The following NEGR1 variants were observed in gnomAD, a reference collection of about 807,000 sequenced individuals.
NEGR1 encodes the protein IgLON family member 4.
In NEGR1, 10 loss-of-function variants were observed where a neutral mutation model predicts 40.9. That is an observed-to-expected ratio of 0.24 (90% CI 0.15 to 0.42). The LOEUF is 0.42. NEGR1 is among the 10% of genes least tolerant of loss of function. The probability of loss-of-function intolerance (pLI) is 1.00; values close to 1 mark genes in which losing one functional copy is unlikely to be tolerated. For synonymous variants in NEGR1, 185 were observed against 166.8 expected (o/e 1.11, Z -0.84); for missense variants, 352 against 438.9 (o/e 0.80, Z 1.77).
chr1:71,959,054 G>A (rs1393718891), intron 1 of NEGR1, among the ~76,000 whole-genome samples: 3 of 151,626 alleles, frequency 2.0e-5, no homozygotes, highest in South Asian at 2.1e-4. Flanking sequence ...TTGCTGATAT[G>A]ATCTCACAGT....
chr1:72,000,826 G>A (rs1570595850), intron 1 of NEGR1, among the ~76,000 whole-genome samples: 1 of 152,100 alleles, frequency 6.6e-6, no homozygotes. Flanking sequence ...TAGTCAAAAT[G>A]AAAGAGGAAA....
intron 6 of NEGR1, among the ~76,000 whole-genome samples, chr1:71,509,384 T>C: frequency 6.6e-6 from 1 of 152,194 alleles, no homozygotes; most frequent in Non-Finnish European, 1.5e-5. Flanking sequence ...CTCTTGCCTC[T>C]CTAGGCAGGG....
chr1:71,983,916 T>C (rs970472543), intron 1 of NEGR1, among the ~76,000 whole-genome samples: 11 of 152,172 alleles, frequency 7.2e-5, no homozygotes, highest in African/African-American at 2.2e-4. Context: ...CTTCAAATAA[T>C]TGTGATTTAA....
At chr1:71,733,943 A>C (rs1654966069) in intron 3 of NEGR1, among the ~76,000 whole-genome samples, 1 of 152,182 alleles carries the variant, frequency 6.6e-6, no homozygotes, top group African/African-American at 2.4e-5. Context: ...GAAACTATTA[A>C]ATCTTTCAAC....
chr1:72,249,108 C>T (rs531326018), intron 1 of NEGR1, among the ~76,000 whole-genome samples: 1 of 152,230 alleles, frequency 6.6e-6, no homozygotes, highest in East Asian at 1.9e-4. Flanking sequence ...GTAATTATGT[C>T]ATGGGAGCAG....
chr1:72,249,903 A>C (rs1442002593), intron 1 of NEGR1, among the ~76,000 whole-genome samples: 3 of 152,192 alleles, frequency 2.0e-5, no homozygotes, highest in Non-Finnish European at 4.4e-5. Context: ...TCAGATCTTC[A>C]AGCAACATTT....
At chr1:71,990,051 A>C (rs1248725479) in intron 1 of NEGR1, among the ~76,000 whole-genome samples, 6 of 152,292 alleles carry the variant, frequency 3.9e-5, no homozygotes, top group Non-Finnish European at 8.8e-5. Flanking sequence ...TTTATGATTA[A>C]AGGTTTACTT....
At chr1:72,133,011 A>T (rs1421319227) in intron 1 of NEGR1, among the ~76,000 whole-genome samples, 3 of 152,116 alleles carry the variant, frequency 2.0e-5, no homozygotes, top group Admixed American at 2.0e-4. Flanking sequence ...AAATAATAAG[A>T]CATTGAAACA....
chr1:71,690,567 C>T (rs1236728396), intron 4 of NEGR1, among the ~76,000 whole-genome samples: 2 of 23,718 alleles, frequency 8.4e-5, no homozygotes, highest in African/African-American at 2.8e-4. Flanking sequence ...AGTTATATAA[C>T]ACACACACAC....
chr1:71,814,136 G>A lies in NEGR1; in HGVS notation c.410-37839C>T, dbSNP rs190141061. Among the ~76,000 whole-genome samples the A allele has an allele frequency of 2.2e-3, 342 of 152,238 alleles. 4 individuals carry two copies. Among genetic ancestry groups the A allele is most frequent in the African/African-American group, 7.2e-3 (298 of 41,546 alleles). ...CTAGATTATTGAGAGTTTTTAACTT[G>A]AAGGGATGTTGAATTTTATCAAAGA... On this transcript the variant is annotated intron_variant, in intron 2 of 6. Coordinates refer to ENST00000357731, the MANE Select transcript of NEGR1 (RefSeq NM_173808.3).
chr1:71,654,424 G>A (rs1262902211), intron 4 of NEGR1, among the ~76,000 whole-genome samples: 1 of 152,114 alleles, frequency 6.6e-6, no homozygotes, highest in African/African-American at 2.4e-5. Context: ...AAAGCTAGGG[G>A]TTGGAAGTAG....
At chr1:72,159,266 G>C (rs17092402) in intron 1 of NEGR1, among the ~76,000 whole-genome samples, 2,087 of 152,158 alleles carry the variant, frequency 0.014, 34 homozygotes, top group African/African-American at 0.047. Flanking sequence ...TTGCCGTTCC[G>C]TAACCTCTAT....
intron 6 of NEGR1, among the ~76,000 whole-genome samples, chr1:71,507,630 A>G (rs1647044304): frequency 6.6e-6 from 1 of 152,216 alleles, no homozygotes; most frequent in Non-Finnish European, 1.5e-5. Context: ...AGGAAAATTA[A>G]AGTACTTACT....
At chr1:71,502,394 T>C (rs996730671) in intron 6 of NEGR1, among the ~76,000 whole-genome samples, 4 of 152,172 alleles carry the variant, frequency 2.6e-5, no homozygotes, top group Admixed American at 1.3e-4. Flanking sequence ...AATTACCTGG[T>C]GTAACTGCCC....
intron 1 of NEGR1, among the ~76,000 whole-genome samples, chr1:72,218,207 A>G (rs1207186294): frequency 6.6e-6 from 1 of 151,914 alleles, no homozygotes; most frequent in Non-Finnish European, 1.5e-5. Context: ...GACACATTTG[A>G]GGCTATTGTC....
At chr1:71,446,032 A>C (rs1191738199) in intron 6 of NEGR1, among the ~76,000 whole-genome samples, 1 of 152,222 alleles carries the variant, frequency 6.6e-6, no homozygotes, top group Non-Finnish European at 1.5e-5. Flanking sequence ...ACACAAATGA[A>C]AACTACTATT....
intron 1 of NEGR1, among the ~76,000 whole-genome samples, chr1:72,182,510 T>C (rs1295099963): frequency 1.3e-5 from 2 of 151,808 alleles, no homozygotes; most frequent in Non-Finnish European, 1.5e-5. Flanking sequence ...AATAAATACA[T>C]ACAAATAAAA....
intron 2 of NEGR1, among the ~76,000 whole-genome samples, chr1:71,928,565 T>G (rs1385551957): frequency 6.8e-6 from 1 of 147,588 alleles, no homozygotes; most frequent in Non-Finnish European, 1.5e-5. Context: ...TGTATATATA[T>G]ACCTATATAT....
chr1:71,887,179 T>C (rs960497256), intron 2 of NEGR1, among the ~76,000 whole-genome samples: 7 of 152,158 alleles, frequency 4.6e-5, no homozygotes, highest in Non-Finnish European at 7.4e-5. Flanking sequence ...CTTCATTAAG[T>C]GGAAGTGGAT....
Sources: allele counts gnomAD v4.1 joint callset (sites outside exome capture counted in the v4.1 genomes callset), GRCh38; gene constraint gnomAD v4.1.1; transcripts MANE v1.5; gene names NCBI Gene and HGNC (gene_info 2026-07-23, HGNC 2026-07-21).